The following PCDHA10 variants were observed in gnomAD, a reference collection of about 807,000 sequenced individuals.
PCDHA10 encodes protocadherin alpha 10.
Under a neutral mutation model 61.2 loss-of-function variants are expected in PCDHA10, and 45 were observed. The ratio of observed to expected loss-of-function variants is 0.74; its 90% CI spans 0.58 to 0.94. The LOEUF (loss-of-function observed/expected upper bound fraction) is 0.94. PCDHA10 is among the 40% of genes least tolerant of loss of function. The probability of loss-of-function intolerance (pLI) is 0.00; values close to 1 mark genes in which losing one functional copy is unlikely to be tolerated. For missense variants in PCDHA10, 1,278 were observed against 1,236.2 expected (o/e 1.03, Z -0.51); for synonymous variants, 602 against 548.8 (o/e 1.10, Z -1.35).
chr5:140,876,967 G>A (rs200960356), intron 1 of PCDHA10: 7 of 1,612,934 alleles, frequency 4.3e-6, no homozygotes, highest in African/African-American at 2.7e-5. Context: ...GGAGCGGCGG[G>A]TGGGCGAGCA....
chr5:141,000,828 G>A (rs1244334845), intron 3 of PCDHA10, among the ~76,000 whole-genome samples: 2 of 151,966 alleles, frequency 1.3e-5, no homozygotes, highest in African/African-American at 4.8e-5. Flanking sequence ...GATCACTTGA[G>A]TCCAGGAGAT....
intron 1 of PCDHA10, among the ~76,000 whole-genome samples, chr5:140,880,869 G>A (rs1017640769): frequency 2.0e-5 from 3 of 152,064 alleles, no homozygotes; most frequent in Non-Finnish European, 4.4e-5. Context: ...TATGTGAAGA[G>A]GTAAATAAAG....
intron 1 of PCDHA10, among the ~76,000 whole-genome samples, chr5:140,925,094 G>A (rs1489905457): frequency 6.6e-6 from 1 of 151,188 alleles, no homozygotes; most frequent in Non-Finnish European, 1.5e-5. Flanking sequence ...AGGAAGGAAG[G>A]AAGGAAGGAA....
chr5:140,890,238 C>T (rs2062554718), intron 1 of PCDHA10, among the ~76,000 whole-genome samples: 1 of 152,034 alleles, frequency 6.6e-6, no homozygotes, highest in African/African-American at 2.4e-5. Flanking sequence ...TAAGCATTTA[C>T]CAGTACACTA....
At chr5:140,868,859 A>G (rs2050687281) in intron 1 of PCDHA10, 1 of 502,518 alleles carries the variant, frequency 2.0e-6, no homozygotes, top group African/African-American at 1.9e-5. Context: ...TGTGGTGGTA[A>G]ATGCAGTGCA....
At chr5:140,943,136 T>A (rs1554215378) in intron 1 of PCDHA10, among the ~76,000 whole-genome samples, 1 of 151,240 alleles carries the variant, frequency 6.6e-6, no homozygotes, top group Non-Finnish European at 1.5e-5. Flanking sequence ...TGGGTGCCTG[T>A]AGTCCCAGCT....
At chr5:140,874,134 C>T (rs2054725501) in intron 1 of PCDHA10, among the ~76,000 whole-genome samples, 1 of 152,122 alleles carries the variant, frequency 6.6e-6, no homozygotes, top group African/African-American at 2.4e-5. Flanking sequence ...TTTAAGTTAT[C>T]TTATACTTGT....
intron 1 of PCDHA10, chr5:140,883,678 G>A (rs555791080): frequency 3.7e-6 from 6 of 1,613,902 alleles, no homozygotes; most frequent in South Asian, 3.3e-5. Flanking sequence ...ACAATCCGCC[G>A]GGCTGCCACA....
intron 1 of PCDHA10, among the ~76,000 whole-genome samples, chr5:140,953,945 C>T (rs189219030): frequency 8.5e-5 from 13 of 152,154 alleles, no homozygotes; most frequent in African/African-American, 3.1e-4. Flanking sequence ...TCCCATTGCT[C>T]CCCCAACAGG....
chr5:140,927,640 A>G (rs2084459027), intron 1 of PCDHA10: 8 of 1,614,138 alleles, frequency 5.0e-6, no homozygotes, highest in Non-Finnish European at 6.8e-6. Flanking sequence ...ACCCAATGGG[A>G]CTGTGTTATT....
At chr5:140,884,104 G>C in intron 1 of PCDHA10, 1 of 1,613,464 alleles carries the variant, frequency 6.2e-7, no homozygotes, top group African/African-American at 1.3e-5. Flanking sequence ...ATGAATTGCA[G>C]CTGGCGGCGG....
At chr5:140,894,569 CT>C (rs556288790) in intron 1 of PCDHA10, among the ~76,000 whole-genome samples, 1 of 151,328 alleles carries the variant, frequency 6.6e-6, no homozygotes, top group Non-Finnish European at 1.5e-5. Flanking sequence ...AATTATTTTC[CT>C]TTTTTTTAAT....
At chr5:140,866,073 G>A (rs1329544131) in intron 1 of PCDHA10, 1 of 152,068 alleles carries the variant, frequency 6.6e-6, no homozygotes, top group Non-Finnish European at 1.5e-5. Flanking sequence ...ACTGAGATAG[G>A]TATTTTGGTT....
intron 1 of PCDHA10, chr5:140,876,086 C>T (rs371336139): frequency 2.5e-6 from 4 of 1,613,778 alleles, no homozygotes; most frequent in East Asian, 2.2e-5. Flanking sequence ...AGAGAGCAAA[C>T]GCCAAAACTC....
intron 1 of PCDHA10, among the ~76,000 whole-genome samples, chr5:140,921,218 T>G (rs1554200138): frequency 6.6e-6 from 1 of 152,126 alleles, no homozygotes; most frequent in African/African-American, 2.4e-5. Context: ...TTCACGTCTT[T>G]TTTGCTAGAT....
At chr5:140,870,369 G>A (rs375892305) in intron 1 of PCDHA10, 117 of 1,614,088 alleles carry the variant, frequency 7.2e-5, no homozygotes, top group Admixed American at 2.3e-4. Context: ...CCTATGAACT[G>A]GTGGTGACTG....
At chr5:141,008,837 C>T (rs1460664317) in intron 3 of PCDHA10, among the ~76,000 whole-genome samples, 10 of 152,178 alleles carry the variant, frequency 6.6e-5, no homozygotes, top group South Asian at 2.1e-4. Flanking sequence ...CATCCTCTTA[C>T]GCTGTGTATT....
intron 3 of PCDHA10, among the ~76,000 whole-genome samples, chr5:140,984,938 G>A (rs1355399601): frequency 2.0e-5 from 3 of 151,924 alleles, no homozygotes; most frequent in Non-Finnish European, 2.9e-5. Flanking sequence ...GTTAATAAAT[G>A]TCTAATCTTT....
chr5:140,968,008 C>T, intron 1 of PCDHA10: 1 of 1,614,202 alleles, frequency 6.2e-7, no homozygotes, highest in Non-Finnish European at 8.5e-7. Flanking sequence ...GACTGAATGG[C>T]TTTGGAAACT....
Sources: gnomAD v4.1 joint callset for allele counts (sites outside exome capture counted in the v4.1 genomes callset) on GRCh38, gnomAD v4.1.1 for gene constraint, MANE v1.5 for transcripts, NCBI Gene and HGNC (gene_info 2026-07-23, HGNC 2026-07-21) for gene names.